Variants in PHF24 observed in about 807,000 individuals in gnomAD.
PHF24 encodes the protein PHD finger protein 24.
A neutral mutation model predicts 42.6 loss-of-function variants in PHF24; 25 were observed. The observed-to-expected ratio is 0.59, with a 90% CI of 0.43 to 0.82. The LOEUF is 0.82. PHF24 is among the 40% of genes least tolerant of loss of function. The pLI, the probability that PHF24 is intolerant of heterozygous loss-of-function variation, is 0.00. For synonymous variants in PHF24, 185 were observed against 204.8 expected (o/e 0.90, Z 0.83); for missense variants, 470 against 538.1 (o/e 0.87, Z 1.25).
chr9:34,908,852 T>C, the PHF24 span, among the ~76,000 whole-genome samples: 1 of 148,672 alleles, frequency 6.7e-6, no homozygotes, highest in African/African-American at 2.5e-5. Context: ...CTTTTTTTTT[T>C]TTTTTCTTTT....
chr9:34,772,542 T>C, the PHF24 span, among the ~76,000 whole-genome samples: 3 of 152,088 alleles, frequency 2.0e-5, no homozygotes, highest in African/African-American at 7.2e-5. Flanking sequence ...GAAGAATGAA[T>C]AAAAATGATT....
chr9:34,811,601 G>C, the PHF24 span, among the ~76,000 whole-genome samples: 3 of 152,092 alleles, frequency 2.0e-5, no homozygotes, highest in African/African-American at 4.8e-5. Flanking sequence ...TTCTTGTTCT[G>C]TTATAGCAGC....
chr9:34,875,948 ACACTCTCTCTCTCTCT>A, the PHF24 span, among the ~76,000 whole-genome samples: 12,948 of 79,800 alleles, frequency 0.16, 702 homozygotes, highest in Non-Finnish European at 0.21. Context: ...ACACACACAC[ACACTCTCTCTCTCTCT>A]CTCTCTCTCT....
the PHF24 span, among the ~76,000 whole-genome samples, chr9:34,819,046 A>G: frequency 6.6e-6 from 1 of 152,106 alleles, no homozygotes; most frequent in South Asian, 2.1e-4. Flanking sequence ...TATATCTTTT[A>G]ATTAAATTTT....
chr9:34,824,917 G>C, the PHF24 span, among the ~76,000 whole-genome samples: 6 of 152,224 alleles, frequency 3.9e-5, no homozygotes, highest in Admixed American at 2.6e-4. Context: ...AGTATTACCT[G>C]TCTGAGGTAC....
At chr9:34,936,116 C>T in the PHF24 span, among the ~76,000 whole-genome samples, 114 of 151,958 alleles carry the variant, frequency 7.5e-4, no homozygotes, top group African/African-American at 2.4e-3. Context: ...CCTCTGATGC[C>T]GAGCCGAAGC....
chr9:34,937,377 G>A, the PHF24 span, among the ~76,000 whole-genome samples: 1 of 152,202 alleles, frequency 6.6e-6, no homozygotes, highest in Non-Finnish European at 1.5e-5. Context: ...TGAAACATGT[G>A]CTGTGTCCAC....
the PHF24 span, among the ~76,000 whole-genome samples, chr9:34,778,878 C>T: frequency 5.1e-4 from 78 of 152,204 alleles, no homozygotes; most frequent in African/African-American, 1.8e-3. Context: ...TAAAAAAAGT[C>T]TCAATAAATT....
the PHF24 span, chr9:34,723,525 C>T: frequency 7.8e-5 from 121 of 1,551,814 alleles, no homozygotes; most frequent in East Asian, 8.1e-4. Context: ...ACCTTCGCAG[C>T]GGCTGAGAAC....
the PHF24 span, among the ~76,000 whole-genome samples, chr9:34,793,340 A>G: frequency 1.3e-5 from 2 of 152,204 alleles, no homozygotes; most frequent in Non-Finnish European, 2.9e-5. Flanking sequence ...CACTGTGTCA[A>G]AAAGTAACTA....
the PHF24 span, among the ~76,000 whole-genome samples, chr9:34,920,692 GTTTTC>G: frequency 6.6e-6 from 1 of 151,910 alleles, no homozygotes; most frequent in Non-Finnish European, 1.5e-5. Context: ...ATGTCAAATA[GTTTTC>G]ATTATAGAGA....
chr9:34,959,687 TCACTGGCAGTCCCA>T (rs1434162636), intron 1 of PHF24, among the ~76,000 whole-genome samples: 1 of 152,266 alleles, frequency 6.6e-6, no homozygotes, highest in African/African-American at 2.4e-5. Context: ...GTGGCTTCCT[TCACTGGCAGTCCCA>T]CTGTCATGAT....
the PHF24 span, among the ~76,000 whole-genome samples, chr9:34,694,107 G>A: frequency 6.9e-6 from 1 of 144,642 alleles, no homozygotes; most frequent in Admixed American, 6.9e-5. Flanking sequence ...GAGGCCCACT[G>A]ATCTACAGTG....
the PHF24 span, among the ~76,000 whole-genome samples, chr9:34,667,229 A>AG: frequency 6.6e-6 from 1 of 152,186 alleles, no homozygotes. Context: ...CTGACTGTAT[A>AG]GGAGGGAGTG....
the PHF24 span, chr9:34,833,297 A>C: frequency 8.9e-5 from 138 of 1,551,296 alleles, 1 homozygote; most frequent in Admixed American, 2.4e-4. Context: ...GGCCTCTGTC[A>C]TGTCCCCACT....
At chr9:34,969,903 C>T (rs964456608) in intron 1 of PHF24, among the ~76,000 whole-genome samples, 4 of 152,148 alleles carry the variant, frequency 2.6e-5, no homozygotes, top group Admixed American at 2.0e-4. Context: ...TGAGCATAAC[C>T]GCCTGTGCAT....
At chr9:34,682,451 T>C in the PHF24 span, among the ~76,000 whole-genome samples, 1 of 152,320 alleles carries the variant, frequency 6.6e-6, no homozygotes, top group Non-Finnish European at 1.5e-5. Flanking sequence ...GGGGTGAATT[T>C]TTTTTGGCTG....
At chr9:34,959,834 G>A (rs1459789800) in intron 1 of PHF24, among the ~76,000 whole-genome samples, 4 of 152,178 alleles carry the variant, frequency 2.6e-5, no homozygotes, top group Admixed American at 1.3e-4. Context: ...ACCTGCTACC[G>A]AATACTCGAA....
the PHF24 span, chr9:34,710,064 C>A: frequency 1.2e-6 from 2 of 1,613,394 alleles, no homozygotes; most frequent in South Asian, 2.2e-5. Flanking sequence ...GTGACTGAGC[C>A]ATGTCTGTGG....
Sources: allele counts gnomAD v4.1 joint callset (sites outside exome capture counted in the v4.1 genomes callset), GRCh38; gene constraint gnomAD v4.1.1; transcripts MANE v1.5; gene names NCBI Gene and HGNC (gene_info 2026-07-23, HGNC 2026-07-21).